MAP2K5: variants seen among roughly 807,000 people sequenced by gnomAD.
MAP2K5 encodes the protein mitogen-activated protein kinase kinase 5, also known as dual specificity mitogen-activated protein kinase kinase 5.
A neutral mutation model predicts 83.1 loss-of-function variants in MAP2K5; 49 were observed. The observed-to-expected ratio is 0.59, with a 90% CI of 0.47 to 0.75. MAP2K5 has a LOEUF of 0.75. Among genes scored for constraint, MAP2K5 ranks in the 30% least tolerant of loss-of-function variants. MAP2K5 has a pLI of 0.00. For missense variants in MAP2K5, 457 were observed against 557.5 expected, an observed-to-expected ratio of 0.82 and a Z score of 1.82; for synonymous variants, 202 against 191.8, an observed-to-expected ratio of 1.05 and a Z score of -0.44.
At chr15:67,547,758 G>A (rs1402626015) in intron 1 of MAP2K5, among the ~76,000 whole-genome samples, 3 of 152,004 alleles carry the variant, frequency 2.0e-5, no homozygotes, top group African/African-American at 4.8e-5. Context: ...CGCCCATCCC[G>A]GTTTTCTTTT....
rs10518735 is a variant in MAP2K5, at chr15:67,598,880, T to A, written c.481-1805T>A. 8.4e-3 allele frequency among the ~76,000 whole-genome samples: 1,276 copies of A among 152,328 alleles called. 41 individuals carry two copies. Among genetic ancestry groups the A allele is most frequent in the Admixed American group, 0.062 (951 of 15,294 alleles). ...GAAATGTCTCTCGTAGAAATTTATG[T>A]CAAGCCATGATGAGAGTGTAGCTTG... On this transcript the variant is annotated intron_variant, in intron 7 of 21. Coordinates refer to ENST00000178640, the MANE Select transcript of MAP2K5 (RefSeq NM_145160.3).
At position 67,774,510 on chromosome 15, in the gene MAP2K5, A is replaced by C. The variant is rs1215488642; in HGVS notation, c.1242+1758A>C. On this transcript the variant is annotated intron_variant, in intron 21 of 21. Transcript: ENST00000178640. The surrounding 1 kb of genome is among the most constrained non-coding windows in gnomAD (Gnocchi z 4.9). ...TGGTCAGAGAGTGAGCCCTGCCTGG[A>C]CTTTGGGCAAAAGATTGGGCCCAAT... 2.6e-5 allele frequency among the ~76,000 whole-genome samples: 4 copies of C among 152,082 alleles called. No homozygotes were observed.
At chr15:67,635,239 G>T (rs923256064) in intron 9 of MAP2K5, among the ~76,000 whole-genome samples, 2 of 146,272 alleles carry the variant, frequency 1.4e-5, no homozygotes, top group African/African-American at 2.5e-5. Flanking sequence ...AGGCTGGAGT[G>T]CAGTGGTGCG....
rs1213028494 is a variant in MAP2K5 at position 67,640,644 on chromosome 15, G to C, written c.586-5587G>C. ...AAGTGGTCAGTTGGACCCACACTTT[G>C]AATGTCTATGGGCACAATTAGATGA... is the stretch of plus-strand genomic sequence containing the variant. On this transcript the variant is annotated intron_variant, in intron 9 of 21. Transcript: ENST00000178640. This position sits in a 1 kb window ranked among gnomAD's most constrained non-coding sequence, Gnocchi z 4.6. 1 of 943,196 alleles carries C rather than the reference G, an allele frequency of 1.1e-6. No individual in the cohort carries two copies. Among genetic ancestry groups the C allele is most frequent in the African/African-American group, 1.8e-5 (1 of 56,438 alleles). 58.4% of individuals were successfully genotyped at this position (943,196 alleles called of 1,614,324 possible).
At position 67,592,944 on chromosome 15, in the gene MAP2K5, T is replaced by C. The variant is rs758733805; in HGVS notation, c.450T>C (p.Ala150=). The change falls in exon 7 of 22, where the codon GCT becomes GCC. Residue 150 remains alanine (A), a synonymous_variant. Transcript: ENST00000178640. Reference sequence around the variant, plus strand: ...TTTTCAGCTTAAAGAAGTCTTCTGCTGAACTGAAAAAAATACTAGCCAATG... The same window carrying C: ...TTTTCAGCTTAAAGAAGTCTTCTGCCGAACTGAAAAAAATACTAGCCAATG... ...LPSNSLKKSS[A]ELKKILANGQ... 20 of 1,608,726 alleles carry C rather than the reference T, an allele frequency of 1.2e-5. No homozygotes were observed. The highest frequency in any genetic ancestry group is 1.6e-5 in the Non-Finnish European group (19 of 1,176,754).
rs1217359061 is a variant in MAP2K5 at position 67,748,475 on chromosome 15, A to G, written c.1102-94A>G. 8.3e-6 allele frequency: 9 copies of G among 1,080,882 alleles called. No homozygotes were observed. Among genetic ancestry groups the G allele is most frequent in the Admixed American group, 4.1e-5 (2 of 49,244 alleles). The allele number at this position is 1,080,882 out of a possible 1,614,324, so 67.0% of individuals were successfully genotyped here. ...TTTGCTGTTGTTGATTAATCTTGCTATATTTTATTGCATTAATGATTTTTT... is the reference window on the plus strand; with the variant it reads ...TTTGCTGTTGTTGATTAATCTTGCTGTATTTTATTGCATTAATGATTTTTT... On this transcript the variant is annotated intron_variant, in intron 18 of 21. Coordinates refer to ENST00000178640, the MANE Select transcript of MAP2K5 (RefSeq NM_145160.3). This position sits in a 1 kb window ranked among gnomAD's most constrained non-coding sequence, Gnocchi z 4.0.
At position 67,552,180 on chromosome 15, in the gene MAP2K5, G is replaced by T. The variant is rs537687418; in HGVS notation, c.184+2098G>T. Among the ~76,000 whole-genome samples, 1 of 152,250 alleles carries T rather than the reference G, an allele frequency of 6.6e-6. No homozygotes were observed. The highest frequency in any genetic ancestry group is 2.4e-5 in the African/African-American group (1 of 41,542). On this transcript the variant is annotated intron_variant, in intron 2 of 21. Coordinates refer to ENST00000178640, the MANE Select transcript of MAP2K5 (RefSeq NM_145160.3). The surrounding 1 kb of genome is among the most constrained non-coding windows in gnomAD (Gnocchi z 4.2). ...ATTGCCTGTTTTTAAAAGCTATAAT[G>T]AGTAGAACTCAATGTAATTAGTATT...
At chr15:67,625,440 C>G (rs1408955610) in intron 8 of MAP2K5, among the ~76,000 whole-genome samples, 3 of 152,286 alleles carry the variant, frequency 2.0e-5, no homozygotes, top group South Asian at 2.1e-4. Flanking sequence ...CAGGTAATTA[C>G]TGTGGCAACA....
intron 2 of MAP2K5, 70 bp downstream of exon 2, chr15:67,550,152 C>T: frequency 8.1e-7 from 1 of 1,228,362 alleles, no homozygotes; most frequent in Non-Finnish European, 1.2e-6. Context: ...TTATGGGTGG[C>T]ATTACTTTAG....
intron 16 of MAP2K5, chr15:67,718,296 C>T (rs2088873428): frequency 6.6e-6 from 1 of 152,204 alleles, no homozygotes; most frequent in African/African-American, 2.4e-5. Context: ...AGCTAGGTCT[C>T]TAAGAGACCA....
chr15:67,633,125 T>C (rs1005826789), intron 9 of MAP2K5, among the ~76,000 whole-genome samples: 10 of 152,350 alleles, frequency 6.6e-5, no homozygotes, highest in African/African-American at 1.7e-4. Flanking sequence ...GGCCCAGTCG[T>C]ACCACCTTGG....
Position 67,774,202 on chromosome 15 carries a change from T to A in MAP2K5, c.1242+1450T>A, listed in dbSNP as rs6494695. ...GTGTGTGTGTGTGTGTGTGTGTGTG[T>A]GAGAGAACATAGGTATTTAGATATA... On this transcript the variant is annotated intron_variant, in intron 21 of 21. Coordinates refer to ENST00000178640, the MANE Select transcript of MAP2K5 (RefSeq NM_145160.3). The surrounding 1 kb of genome is among the most constrained non-coding windows in gnomAD (Gnocchi z 4.9). 0.95 allele frequency among the ~76,000 whole-genome samples: 143,172 copies of A among 150,702 alleles called. 68,447 individuals carry two copies. The highest frequency in any genetic ancestry group is 1 in the Non-Finnish European group (67,711 of 67,806).
chr15:67,646,170 A>G, intron 9 of MAP2K5, 61 bp from the exon 10 acceptor site: 2 of 701,486 alleles, frequency 2.9e-6, no homozygotes, highest in South Asian at 2.1e-5. Flanking sequence ...CTTATATTTC[A>G]TAGTGATTAT....
In MAP2K5 at chr15:67,793,368, C is replaced by T. The variant is rs930993443; in HGVS notation, c.1243-13278C>T. Among the ~76,000 whole-genome samples the T allele has an allele frequency of 6.6e-6, 1 of 152,130 alleles. No individual in the cohort carries two copies. Among genetic ancestry groups the T allele is most frequent in the Non-Finnish European group, 1.5e-5 (1 of 68,022 alleles). On this transcript the variant is annotated intron_variant, in intron 21 of 21. Coordinates refer to ENST00000178640, the MANE Select transcript of MAP2K5 (RefSeq NM_145160.3). This position sits in a 1 kb window ranked among gnomAD's most constrained non-coding sequence, Gnocchi z 4.6. ...ATACCAGTATCTCCTGATATTGACA[C>T]GAGTAGGGCCATTTGTCCCTAGGCT...
At chr15:67,728,036 A>G in intron 17 of MAP2K5, 91 bp downstream of exon 17, 3 of 1,060,374 alleles carry the variant, frequency 2.8e-6, no homozygotes, top group Admixed American at 1.7e-5. Flanking sequence ...TGAGCCACAT[A>G]CAAATAAATC....
intron 9 of MAP2K5, 21 bp from the exon 10 acceptor site, chr15:67,646,210 T>A (rs769084177): frequency 7.8e-6 from 8 of 1,027,970 alleles, no homozygotes; most frequent in Non-Finnish European, 1.1e-5. Flanking sequence ...TTAAAAAATA[T>A]TAATACCTTT....
In MAP2K5 at chr15:67,665,561, A is replaced by G. The variant is rs1160033412; in HGVS notation, c.847+916A>G. On this transcript the variant is annotated intron_variant, in intron 13 of 21. Transcript: ENST00000178640. This position sits in a 1 kb window ranked among gnomAD's most constrained non-coding sequence, Gnocchi z 4.2. Reference sequence around the variant, plus strand: ...CTGATATTTTCAACTGTGATGTCATATCTGTCACTAAGGGTTGTTTTCTTT... The same window carrying G: ...CTGATATTTTCAACTGTGATGTCATGTCTGTCACTAAGGGTTGTTTTCTTT... Among the ~76,000 whole-genome samples, 8 of 152,204 alleles carry G rather than the reference A, an allele frequency of 5.3e-5. No individual in the cohort carries two copies. The highest frequency in any genetic ancestry group is 1.5e-5 in the Non-Finnish European group (1 of 68,026).
intron 19 of MAP2K5, among the ~76,000 whole-genome samples, chr15:67,754,199 A>G (rs938970009): frequency 1.3e-5 from 2 of 152,200 alleles, no homozygotes; most frequent in East Asian, 3.8e-4. Context: ...GGTGGTAGAA[A>G]TATTTTGGAA....
In MAP2K5 at chr15:67,764,142, C is replaced by A. The variant is rs62015188; in HGVS notation, c.1135-5460C>A. On this transcript the variant is annotated intron_variant, in intron 19 of 21. Coordinates refer to ENST00000178640, the MANE Select transcript of MAP2K5 (RefSeq NM_145160.3). This position sits in a 1 kb window ranked among gnomAD's most constrained non-coding sequence, Gnocchi z 4.9. ...TTGCCATGCTGGTTTAATCCAACCACAGTACAGCTGACCTCAGAATTCACC... is the reference window on the plus strand; with the variant it reads ...TTGCCATGCTGGTTTAATCCAACCAAAGTACAGCTGACCTCAGAATTCACC... Among the ~76,000 whole-genome samples the A allele has an allele frequency of 0.051, 7,693 of 152,268 alleles. 472 individuals carry two copies. Among genetic ancestry groups the A allele is most frequent in the African/African-American group, 0.14 (5,728 of 41,530 alleles).
Sources: allele counts gnomAD v4.1 joint callset (sites outside exome capture counted in the v4.1 genomes callset), GRCh38; gene constraint gnomAD v4.1.1; non-coding constraint Gnocchi (gnomAD v3.1); transcripts MANE v1.5; gene names NCBI Gene and HGNC (gene_info 2026-07-23, HGNC 2026-07-21).